The following ZNF385D variants were observed in gnomAD, a reference collection of about 807,000 sequenced individuals.
ZNF385D encodes zinc finger protein 385D.
ZNF385D carries 15 observed loss-of-function variants against 35.8 expected under a neutral mutation model. The observed-to-expected ratio is 0.42, with a 90% CI of 0.28 to 0.64. The LOEUF (loss-of-function observed/expected upper bound fraction) is 0.64. Ranked by LOEUF, ZNF385D falls within the 30% of genes least tolerant of loss-of-function variation. The probability of loss-of-function intolerance (pLI) is 0.23; values close to 1 mark genes in which losing one functional copy is unlikely to be tolerated. For missense variants in ZNF385D, 474 were observed against 494.6 expected, an observed-to-expected ratio of 0.96 and a Z score of 0.39; for synonymous variants, 212 against 186.8, an observed-to-expected ratio of 1.13 and a Z score of -1.10.
intron 2 of ZNF385D, among the ~76,000 whole-genome samples, chr3:22,213,984 G>C (rs1697691220): frequency 6.6e-6 from 1 of 151,914 alleles, no homozygotes; most frequent in Admixed American, 6.6e-5. Context: ...ATCACACATG[G>C]GGTACATTTG....
chr3:21,710,381 T>G (rs2068056669), intron 1 of ZNF385D, among the ~76,000 whole-genome samples: 1 of 152,204 alleles, frequency 6.6e-6, no homozygotes, highest in Admixed American at 6.5e-5. Context: ...GTGATATGGT[T>G]AAGATTACCT....
chr3:21,415,712 GAGATGACCTGC>G lies in ZNF385D; in HGVS notation c.*5491_*5501del. ...CCCTAATCTTTAAAAATTGCCTTTA[GAGATGACCTGC>G]CAGTCTGAAAATAACATGACCCCAT... On this transcript the variant is annotated 3_prime_UTR_variant, in exon 8 of 8. Coordinates refer to ENST00000281523, the MANE Select transcript of ZNF385D (RefSeq NM_024697.3). 6.6e-6 allele frequency: 1 copy of G among 152,016 alleles called. No homozygotes were observed. The highest frequency in any genetic ancestry group is 2.1e-4 in the South Asian group (1 of 4,826). The allele number at this position is 152,016 out of a possible 1,614,324, so 9.4% of individuals were successfully genotyped here. A position where few individuals can be genotyped will look rare whatever the true frequency, so the allele number is the denominator to read the frequency against.
At chr3:22,264,493 C>T (rs1038236733) in intron 2 of ZNF385D, among the ~76,000 whole-genome samples, 1 of 152,032 alleles carries the variant, frequency 6.6e-6, no homozygotes, top group African/African-American at 2.4e-5. Flanking sequence ...GCAGACAATA[C>T]AGTGTGACCA....
At chr3:22,298,540 C>A (rs1364811563) in intron 2 of ZNF385D, among the ~76,000 whole-genome samples, 1 of 135,568 alleles carries the variant, frequency 7.4e-6, no homozygotes, top group Non-Finnish European at 1.6e-5. Flanking sequence ...ATACATAAAA[C>A]ATTTATGTAT....
intron 3 of ZNF385D, among the ~76,000 whole-genome samples, chr3:21,774,446 A>G (rs576917288): frequency 2.0e-5 from 3 of 151,930 alleles, no homozygotes; most frequent in Non-Finnish European, 4.4e-5. Flanking sequence ...AGTTGGAATC[A>G]AAAACAAAAC....
chr3:22,297,577 T>G (rs1448193937), intron 2 of ZNF385D, among the ~76,000 whole-genome samples: 2 of 152,060 alleles, frequency 1.3e-5, no homozygotes, highest in African/African-American at 4.8e-5. Flanking sequence ...GAAGCCCCAC[T>G]CATCTAGGCA....
intron 3 of ZNF385D, among the ~76,000 whole-genome samples, chr3:22,016,914 A>G (rs1320266879): frequency 6.6e-6 from 1 of 151,080 alleles, no homozygotes; most frequent in African/African-American, 2.4e-5. Context: ...CTATCTATCT[A>G]TCCTGTCCAT....
chr3:21,706,340 A>G (rs1161211267), intron 1 of ZNF385D, among the ~76,000 whole-genome samples: 4 of 152,144 alleles, frequency 2.6e-5, no homozygotes, highest in African/African-American at 7.2e-5. Context: ...AAGACAATCA[A>G]CTTTTGACAG....
rs191879252 is a variant in ZNF385D at position 21,940,956 on chromosome 3, A to G, written c.325+227861T>C. ...AGTACTTTTACATAATTCATGTTTC[A>G]TCAAAGGCTGAAAAACAAAGAATAT... On this transcript the variant is annotated intron_variant, in intron 3 of 5. Coordinates refer to the ZNF385D transcript ENST00000494108. Among the ~76,000 whole-genome samples, 503 of 152,330 alleles carry G rather than the reference A, an allele frequency of 3.3e-3. 2 individuals carry two copies. Among genetic ancestry groups the G allele is most frequent in the African/African-American group, 0.011 (478 of 41,588 alleles).
chr3:22,342,544 C>A (rs1695473969), intron 2 of ZNF385D, among the ~76,000 whole-genome samples: 1 of 152,056 alleles, frequency 6.6e-6, no homozygotes, highest in Admixed American at 6.6e-5. Flanking sequence ...CTCTGCAATA[C>A]TTTATGACAG....
intron 3 of ZNF385D, among the ~76,000 whole-genome samples, chr3:21,863,630 G>T (rs1437591570): frequency 1.3e-5 from 2 of 152,074 alleles, no homozygotes; most frequent in African/African-American, 4.8e-5. Context: ...GAGAAGATAA[G>T]AAACTATGGA....
At chr3:22,307,304 T>A (rs144991462) in intron 2 of ZNF385D, among the ~76,000 whole-genome samples, 1 of 152,144 alleles carries the variant, frequency 6.6e-6, no homozygotes, top group Non-Finnish European at 1.5e-5. Flanking sequence ...AGAGTCATAA[T>A]GGAGAAATCT....
rs183859158 is a variant in ZNF385D, at chr3:21,626,564, G to C, written c.165+38322C>G. Among the ~76,000 whole-genome samples, 18 of 152,158 alleles carry C rather than the reference G, an allele frequency of 1.2e-4. No individual in the cohort carries two copies. In the East Asian group the frequency reaches 3.3e-3, roughly 28 times the overall value. On this transcript the variant is annotated intron_variant, in intron 2 of 7. Transcript: ENST00000281523. ...CCCAGAGGCTATGTCAGGATAAAGC[G>C]TTGAGGAGCTTTATGGCTTTGTTGC...
chr3:22,107,026 G>GATTTTTTTTTTTTTTTTTTTTTTTTTTT (rs1702252397), intron 3 of ZNF385D, among the ~76,000 whole-genome samples: 2 of 118,830 alleles, frequency 1.7e-5, no homozygotes, highest in Non-Finnish European at 1.8e-5. Flanking sequence ...TGGAATGAGA[G>GATTTTTTTTTTTTTTTTTTTTTTTTTTT]TTTTTTTTTT....
At chr3:22,349,832 C>G (rs1695834844) in intron 2 of ZNF385D, among the ~76,000 whole-genome samples, 2 of 152,056 alleles carry the variant, frequency 1.3e-5, no homozygotes, top group African/African-American at 4.8e-5. Flanking sequence ...CGATAAATTT[C>G]TAGACATTGC....
intron 3 of ZNF385D, among the ~76,000 whole-genome samples, chr3:22,151,116 T>C (rs756545687): frequency 2.0e-5 from 3 of 152,162 alleles, no homozygotes; most frequent in Non-Finnish European, 2.9e-5. Context: ...TCTTCCCTTA[T>C]GCCATGGAGA....
chr3:22,212,797 T>C (rs1697609140), intron 2 of ZNF385D, among the ~76,000 whole-genome samples: 1 of 152,034 alleles, frequency 6.6e-6, no homozygotes, highest in African/African-American at 2.4e-5. Context: ...CAAAGAACTA[T>C]TTAAACTACA....
intron 4 of ZNF385D, chr3:21,459,213 G>A (rs957996880): frequency 2.6e-5 from 4 of 152,250 alleles, no homozygotes; most frequent in Admixed American, 6.5e-5. Flanking sequence ...GACTCAAGGT[G>A]CAACACAAAA....
chr3:21,761,869 CTTTTTTTTTT>C (rs58790934), intron 3 of ZNF385D, among the ~76,000 whole-genome samples: 3 of 77,220 alleles, frequency 3.9e-5, no homozygotes, highest in Admixed American at 1.9e-4. Context: ...CATTTTCTTC[CTTTTTTTTTT>C]TTTTTTTTTT....
Sources: allele counts gnomAD v4.1 joint callset (sites outside exome capture counted in the v4.1 genomes callset), GRCh38; gene constraint gnomAD v4.1.1; transcripts MANE v1.5; gene names NCBI Gene and HGNC (gene_info 2026-07-23, HGNC 2026-07-21).